Variants in SORCS1 observed in about 807,000 individuals in gnomAD.
The protein encoded by SORCS1 is sortilin related VPS10 domain containing receptor 1, also known as VPS10 domain-containing receptor SorCS1.
Under a neutral mutation model 146.1 loss-of-function variants are expected in SORCS1, and 60 were observed. The observed-to-expected ratio is 0.41, with a 90% CI of 0.33 to 0.51. SORCS1 has a LOEUF of 0.51. Ranked by LOEUF, SORCS1 falls within the 20% of genes least tolerant of loss-of-function variation. SORCS1 has a pLI of 0.21. For missense variants in SORCS1, 1,352 were observed against 1,487.6 expected, an observed-to-expected ratio of 0.91 and a Z score of 1.50; for synonymous variants, 637 against 584.0, an observed-to-expected ratio of 1.09 and a Z score of -1.31.
At chr10:106,748,353 G>A (rs1377241544) in intron 5 of SORCS1, among the ~76,000 whole-genome samples, 1 of 152,060 alleles carries the variant, frequency 6.6e-6, no homozygotes, top group East Asian at 1.9e-4. Flanking sequence ...TCTTTGATGT[G>A]ACTATTGTGA....
intron 2 of SORCS1, among the ~76,000 whole-genome samples, chr10:106,885,866 T>C (rs556741936): frequency 3.3e-5 from 5 of 152,296 alleles, no homozygotes; most frequent in African/African-American, 1.2e-4. Context: ...GCCTTTTGCT[T>C]GGCTCTCATT....
chr10:106,776,600 G>A lies in SORCS1; in HGVS notation c.819C>T (p.Tyr273=), dbSNP rs1163511783. ...TGGGGTGAAAAAGCAAGCTTTGAAT[G>A]TAGAAGTTCAGCCGGTACTTTTGAT... is the stretch of plus-strand genomic sequence containing the variant. ...ATYQKYRLNF[Y]IQSLLFHPKQ... Residue 273 remains tyrosine (Y), a synonymous_variant, in exon 4 of 26, where the codon TAC becomes TAT. Transcript: ENST00000263054. 1.4e-5 allele frequency: 22 copies of A among 1,614,068 alleles called. No homozygotes were observed. Among genetic ancestry groups the A allele is most frequent in the Non-Finnish European group, 1.8e-5 (21 of 1,179,962 alleles).
intron 1 of SORCS1, among the ~76,000 whole-genome samples, chr10:107,098,950 C>A (rs1441884030): frequency 6.6e-6 from 1 of 152,200 alleles, no homozygotes. Flanking sequence ...TCATTTTTCA[C>A]TCAATAACTC....
rs780830845 is a variant in SORCS1 at position 106,667,772 on chromosome 10, G to A, written c.2220C>T (p.Gly740=). The A allele has an allele frequency of 3.7e-6, 6 of 1,614,024 alleles. No homozygotes were observed. The highest frequency in any genetic ancestry group is 1.1e-5 in the South Asian group (1 of 91,030). ...CDYGYERHSN[G]QCLPAFWFNP... ...TGAACCAAAATGCCGGCAGGCACTG[G>A]CCATTGCTGTGTCGCTCATAACCAT... The change falls in exon 17 of 26, where the codon GGC becomes GGT. Residue 740 remains glycine, a synonymous_variant. Coordinates refer to ENST00000263054, the MANE Select transcript of SORCS1 (RefSeq NM_052918.5).
At chr10:106,726,646 A>G (rs1267975885) in intron 6 of SORCS1, among the ~76,000 whole-genome samples, 2 of 152,122 alleles carry the variant, frequency 1.3e-5, no homozygotes, top group Non-Finnish European at 2.9e-5. Flanking sequence ...GATGCTACCA[A>G]TTCCATCCAG....
intron 3 of SORCS1, among the ~76,000 whole-genome samples, chr10:106,798,190 A>G (rs917624024): frequency 6.6e-6 from 1 of 152,174 alleles, no homozygotes; most frequent in Non-Finnish European, 1.5e-5. Flanking sequence ...GTCTGCATCC[A>G]TGGGAGAAAT....
intron 1 of SORCS1, among the ~76,000 whole-genome samples, chr10:107,129,584 T>A (rs1442323900): frequency 6.6e-6 from 1 of 152,238 alleles, no homozygotes. Context: ...ACGAGCATAA[T>A]TTAAGTTTTA....
rs1298560828 is a variant in SORCS1 at position 106,579,415 on chromosome 10, C to T, written c.3325G>A (p.Val1109Met). The change falls in exon 25 of 26, where the codon GTG (valine) becomes ATG (methionine). Residue 1109 changes from valine to methionine, a missense_variant. Val to Met is a conservative substitution (Grantham distance 21). This residue lies in a region of SORCS1 where 214 missense variants were observed against 204.8 expected (regional missense o/e 1.05). Transcript: ENST00000263054. ...AACACTGCCAGCCCCACAAACACCA[C>T]TGAGAGCAGCATCAGCATGGCAGAT... ...SGSAMLMLLSVVFVGLAVFVI... is the reference protein window; with the variant it reads ...SGSAMLMLLSMVFVGLAVFVI... The T allele has an allele frequency of 3.1e-6, 5 of 1,613,850 alleles. No individual in the cohort carries two copies. In the African/African-American group the frequency reaches 5.3e-5, roughly 17 times the overall value.
intron 2 of SORCS1, among the ~76,000 whole-genome samples, chr10:106,850,045 C>T (rs1949486439): frequency 6.6e-6 from 1 of 152,158 alleles, no homozygotes; most frequent in African/African-American, 2.4e-5. Flanking sequence ...TTTGGTTTGT[C>T]TGTGCCCTGC....
intron 24 of SORCS1, among the ~76,000 whole-genome samples, chr10:106,579,881 T>C (rs1053053661): frequency 1.3e-5 from 2 of 152,178 alleles, no homozygotes; most frequent in African/African-American, 2.4e-5. Context: ...GCCAGGCACA[T>C]AGTAAGTCAT....
intron 1 of SORCS1, among the ~76,000 whole-genome samples, chr10:107,155,065 A>C (rs1427458580): frequency 6.6e-6 from 1 of 152,210 alleles, no homozygotes; most frequent in Non-Finnish European, 1.5e-5. Context: ...TATTGTGGTT[A>C]TGTGGACAGC....
chr10:107,021,273 G>A (rs919258463), intron 1 of SORCS1, among the ~76,000 whole-genome samples: 5 of 151,958 alleles, frequency 3.3e-5, no homozygotes, highest in Non-Finnish European at 7.4e-5. Flanking sequence ...AGCATTTTGG[G>A]AGGCCGAGGC....
chr10:107,069,668 G>T (rs192434241), intron 1 of SORCS1, among the ~76,000 whole-genome samples: 3 of 152,108 alleles, frequency 2.0e-5, no homozygotes, highest in Non-Finnish European at 4.4e-5. Flanking sequence ...GAGCCACCTC[G>T]CCTGGCCCAT....
Position 107,164,085 on chromosome 10 carries a change from C to A in SORCS1, c.442G>T (p.Asp148Tyr), listed in dbSNP as rs769049738. 6.2e-7 allele frequency: 1 copy of A among 1,613,826 alleles called. No individual in the cohort carries two copies. Among genetic ancestry groups the A allele is most frequent in the Non-Finnish European group, 8.5e-7 (1 of 1,180,020 alleles). ...QEPGTRERDP[D>Y]KATRFRMEEL... Reference sequence around the variant, plus strand: ...TCCATCCGGAAGCGGGTGGCTTTGTCCGGGTCCCGCTCCCGAGTCCCAGGC... The same window carrying A: ...TCCATCCGGAAGCGGGTGGCTTTGTACGGGTCCCGCTCCCGAGTCCCAGGC... Residue 148 changes from aspartate (D) to tyrosine (Y), a missense_variant, in exon 1 of 26, where the codon GAC becomes TAC. Physicochemically the swap from Asp to Tyr is radical, Grantham distance 160. Around this residue, in one of 3 missense-constraint regions of SORCS1, gnomAD observed 490 missense variants for 489.1 expected, o/e 1.00. Transcript: ENST00000263054. The surrounding 1 kb of genome is among the most constrained non-coding windows in gnomAD (Gnocchi z 6.8).
At chr10:107,164,766 G>A (rs1969987546), upstream of SORCS1, among the ~76,000 whole-genome samples, 1 of 149,368 alleles carries the variant, frequency 6.7e-6, no homozygotes, top group Non-Finnish European at 1.5e-5. The surrounding 1 kb of genome is among the most constrained non-coding windows in gnomAD (Gnocchi z 6.8). Flanking sequence ...CTGAGCTGAA[G>A]TCACTGGCGG....
rs188746475 is a variant in SORCS1 at position 106,669,518 on chromosome 10, C to T, written c.2190-1716G>A. ...ACAGTAAACGAAGAAGCAGCAGTGG[C>T]TTCAGAAAGAGGGATGCAATGAATG... is the stretch of plus-strand genomic sequence containing the variant. On this transcript the variant is annotated intron_variant, in intron 16 of 25. Coordinates refer to ENST00000263054, the MANE Select transcript of SORCS1 (RefSeq NM_052918.5). 7.2e-5 allele frequency among the ~76,000 whole-genome samples: 11 copies of T among 152,320 alleles called. No individual in the cohort carries two copies. In the East Asian group the frequency reaches 1.4e-3, roughly 19 times the overall value.
Position 106,782,253 on chromosome 10 carries a change from C to T in SORCS1, c.727-5561G>A, listed in dbSNP as rs111920193. 5.9e-5 allele frequency among the ~76,000 whole-genome samples: 9 copies of T among 152,056 alleles called. No individual in the cohort carries two copies. The South Asian group carries it at 6.2e-4, about 11-fold the overall frequency. ...GGATCCACAGACTCAGATTTTTTAA[C>T]GGAAAAAAACAAGCATAAAAAACAT... is the stretch of plus-strand genomic sequence containing the variant. On this transcript the variant is annotated intron_variant, in intron 3 of 25. Transcript: ENST00000263054.
intron 1 of SORCS1, among the ~76,000 whole-genome samples, chr10:107,059,048 A>G (rs144221993): frequency 1.5e-3 from 230 of 152,326 alleles, no homozygotes; most frequent in African/African-American, 5.2e-3. Flanking sequence ...TGGAAAACCA[A>G]TAAGTAATTT....
At chr10:106,998,381 C>A (rs1237055727) in intron 1 of SORCS1, among the ~76,000 whole-genome samples, 2 of 152,194 alleles carry the variant, frequency 1.3e-5, no homozygotes, top group African/African-American at 4.8e-5. Context: ...CAACCTCTGG[C>A]TTCTTTCATT....
Sources: gnomAD v4.1 joint callset for allele counts (sites outside exome capture counted in the v4.1 genomes callset) on GRCh38, gnomAD v4.1.1 for gene constraint, gnomAD v4.1.1 regional missense constraint, Gnocchi (gnomAD v3.1) non-coding constraint, MANE v1.5 for transcripts, NCBI Gene and HGNC (gene_info 2026-07-23, HGNC 2026-07-21) for gene names.